GMPR: variants seen among roughly 807,000 people sequenced by gnomAD.
The protein encoded by GMPR is guanosine monophosphate reductase.
A neutral mutation model predicts 38.4 loss-of-function variants in GMPR; 31 were observed. That is an observed-to-expected ratio of 0.81 (90% confidence interval 0.61 to 1.09). GMPR has a LOEUF of 1.09. GMPR is among the 50% of genes least tolerant of loss of function. The pLI is 0.00. For synonymous variants in GMPR, 162 were observed against 173.3 expected, an observed-to-expected ratio of 0.93 and a Z score of 0.51; for missense variants, 468 against 453.7, an observed-to-expected ratio of 1.03 and a Z score of -0.29.
chr6:16,275,981 G>A (rs867031762), intron 5 of GMPR, among the ~76,000 whole-genome samples: 12 of 152,042 alleles, frequency 7.9e-5, no homozygotes, highest in Middle Eastern at 3.4e-3. Context: ...AGGGTGGAAC[G>A]ATCAGCTGAT....
At chr6:16,286,523 T>C (rs955302580) in intron 7 of GMPR, among the ~76,000 whole-genome samples, 7 of 151,446 alleles carry the variant, frequency 4.6e-5, no homozygotes, top group African/African-American at 1.2e-4. Context: ...GAAGCTCCCA[T>C]GCCTCCGCCC....
Position 16,238,680 on chromosome 6 carries a change from G to A in GMPR, c.-14G>A. ...CCCGCCGTCGCCGCCGCCGCAGCCA[G>A]GAGCCGCTGCACCATGCCCCGCATA... On this transcript the variant is annotated 5_prime_UTR_variant, in exon 1 of 9. Transcript: ENST00000259727. The A allele has an allele frequency of 7.6e-7, 1 of 1,321,544 alleles. No homozygotes were observed. The highest frequency in any genetic ancestry group is 3.3e-5 in the East Asian group (1 of 30,608). 81.9% of individuals were successfully genotyped at this position (1,321,544 alleles called of 1,614,324 possible).
At chr6:16,245,231 G>T (rs1444617263) in intron 1 of GMPR, among the ~76,000 whole-genome samples, 1 of 152,162 alleles carries the variant, frequency 6.6e-6, no homozygotes, top group Admixed American at 6.5e-5. Flanking sequence ...GCGTAGGTTC[G>T]TGCACTTCCA....
chr6:16,259,496 T>G (rs572033500), intron 4 of GMPR: 22 of 151,778 alleles, frequency 1.4e-4, no homozygotes, highest in African/African-American at 5.3e-4. Context: ...CGGTGAAAAT[T>G]TTTGGGGATG....
intron 7 of GMPR, chr6:16,289,951 C>T (rs1272642834): frequency 2.8e-5 from 4 of 143,998 alleles, no homozygotes; most frequent in African/African-American, 5.2e-5. Flanking sequence ...CTCACTGCAA[C>T]CTCCACCTCC....
chr6:16,256,215 CAA>C (rs558494585), intron 4 of GMPR, among the ~76,000 whole-genome samples: 10 of 112,248 alleles, frequency 8.9e-5, no homozygotes, highest in Admixed American at 9.8e-5. Context: ...GACTCCGTCT[CAA>C]AAAAAAAAAA....
chr6:16,246,304 T>C (rs1169915065), intron 1 of GMPR, among the ~76,000 whole-genome samples: 1 of 152,160 alleles, frequency 6.6e-6, no homozygotes, highest in African/African-American at 2.4e-5. Flanking sequence ...GGAACAAGTG[T>C]TGATATGCAG....
chr6:16,291,073 C>G (rs186795744), intron 8 of GMPR, among the ~76,000 whole-genome samples: 138 of 152,288 alleles, frequency 9.1e-4, no homozygotes, highest in African/African-American at 3.1e-3. Flanking sequence ...GGTGGCCAGG[C>G]CTTTCCTGAA....
intron 1 of GMPR, among the ~76,000 whole-genome samples, chr6:16,246,377 C>G (rs1428722346): frequency 6.6e-6 from 1 of 152,056 alleles, no homozygotes. Flanking sequence ...TTAAAGCAGC[C>G]GTGGAGGGTA....
chr6:16,289,989 T>C (rs527843429), intron 7 of GMPR: 1 of 152,462 alleles, frequency 6.6e-6, no homozygotes, highest in East Asian at 1.9e-4. Context: ...CGGCTAATTT[T>C]TGTATTTTTA....
chr6:16,238,864 G>C (rs893044901), intron 1 of GMPR, 84 bp downstream of exon 1: 41 of 596,854 alleles, frequency 6.9e-5, no homozygotes, highest in Admixed American at 3.3e-4. Context: ...GGGTGGCACC[G>C]GGTTACCCTG....
intron 4 of GMPR, among the ~76,000 whole-genome samples, chr6:16,260,695 G>A (rs918563514): frequency 2.0e-5 from 3 of 152,080 alleles, no homozygotes; most frequent in African/African-American, 7.2e-5. Context: ...CTATAGCATA[G>A]CCTGCCTTTG....
At chr6:16,245,286 TCA>T (rs1758731913) in intron 1 of GMPR, among the ~76,000 whole-genome samples, 1 of 152,142 alleles carries the variant, frequency 6.6e-6, no homozygotes, top group African/African-American at 2.4e-5. Context: ...GCCTGTGCAG[TCA>T]TGTTTATGAC....
chr6:16,252,828 G>A (rs1203600520), intron 3 of GMPR, among the ~76,000 whole-genome samples: 4 of 152,170 alleles, frequency 2.6e-5, no homozygotes, highest in Non-Finnish European at 5.9e-5. Context: ...TGTGAACCAC[G>A]AGGCCCAGGC....
chr6:16,281,441 T>C (rs1473967577), intron 6 of GMPR, among the ~76,000 whole-genome samples: 1 of 152,224 alleles, frequency 6.6e-6, no homozygotes, highest in Non-Finnish European at 1.5e-5. Context: ...AAGGTAGCAC[T>C]TCTGATCTTG....
intron 4 of GMPR, among the ~76,000 whole-genome samples, chr6:16,265,747 G>A (rs1242285596): frequency 3.9e-5 from 6 of 152,224 alleles, no homozygotes; most frequent in Admixed American, 3.9e-4. Context: ...AGCAGGATGT[G>A]GGCGGGGCCA....
intron 8 of GMPR, among the ~76,000 whole-genome samples, chr6:16,293,829 G>C (rs1313683834): frequency 6.6e-6 from 1 of 152,192 alleles, no homozygotes; most frequent in Non-Finnish European, 1.5e-5. Flanking sequence ...CAGCTGAAAA[G>C]AACAGCTACA....
intron 3 of GMPR, among the ~76,000 whole-genome samples, chr6:16,251,760 A>T (rs1000883298): frequency 6.6e-6 from 1 of 152,180 alleles, no homozygotes; most frequent in Admixed American, 6.5e-5. Context: ...AAAATCTATC[A>T]TGATGGTTAC....
intron 6 of GMPR, among the ~76,000 whole-genome samples, chr6:16,280,648 C>T (rs1759557395): frequency 6.6e-6 from 1 of 152,192 alleles, no homozygotes; most frequent in South Asian, 2.1e-4. Context: ...TTCTCAAATC[C>T]TGAGTGCAGC....
Sources: gnomAD v4.1 joint callset for allele counts (sites outside exome capture counted in the v4.1 genomes callset) on GRCh38, gnomAD v4.1.1 for gene constraint, MANE v1.5 for transcripts, NCBI Gene and HGNC (gene_info 2026-07-23, HGNC 2026-07-21) for gene names.